NCKAP5: variants seen among roughly 807,000 people sequenced by gnomAD.
NCKAP5 encodes nck-associated protein 5.
In NCKAP5, 92 loss-of-function variants were observed where a neutral mutation model predicts 167.0. The ratio of observed to expected loss-of-function variants is 0.55; its 90% CI spans 0.47 to 0.66. NCKAP5 has a LOEUF of 0.66. Ranked by LOEUF, NCKAP5 falls within the 30% of genes least tolerant of loss-of-function variation. The pLI, the probability that NCKAP5 is intolerant of heterozygous loss-of-function variation, is 0.00. For missense variants in NCKAP5, 2,378 were observed against 2,315.0 expected (o/e 1.03, Z -0.56); for synonymous variants, 891 against 877.4 (o/e 1.02, Z -0.27).
chr2:132,693,046 G>C (rs577135614), intron 19 of NCKAP5, among the ~76,000 whole-genome samples: 45 of 152,340 alleles, frequency 3.0e-4, no homozygotes, highest in African/African-American at 1.1e-3. Context: ...ACAAATTACA[G>C]CTGGAACAGC....
In NCKAP5 at chr2:132,790,101, C is replaced by G. The variant is rs766644473; in HGVS notation, c.1014G>C (p.Leu338=). 1 of 1,613,480 alleles carries G rather than the reference C, an allele frequency of 6.2e-7. No individual in the cohort carries two copies. The highest frequency in any genetic ancestry group is 2.2e-5 in the East Asian group (1 of 44,860). Residue 338 remains leucine (L), a synonymous_variant, in exon 13 of 20, where the codon CTG becomes CTC. Transcript: ENST00000409261. ...PRNSYSSSSE[L]SLSSTCSEYS... ...ACTCGCTGCAGGTGCTTGAAAGAGA[C>G]AGTTCACTGCTGCTACTGTAGCTGT...
chr2:132,787,284 A>G (rs10187405), intron 13 of NCKAP5, among the ~76,000 whole-genome samples: 92,346 of 150,504 alleles, frequency 0.61, 29,873 homozygotes, highest in East Asian at 0.88. Flanking sequence ...GGAGGCGGAC[A>G]TTGCAGTGAG....
the NCKAP5 span, among the ~76,000 whole-genome samples, chr2:133,670,635 T>TA: frequency 2.1e-4 from 32 of 152,222 alleles, no homozygotes; most frequent in Non-Finnish European, 4.6e-4. Context: ...CTCATGGGGA[T>TA]AACCTTCCAG....
chr2:132,762,523 A>G (rs1681092344), intron 16 of NCKAP5, among the ~76,000 whole-genome samples: 1 of 152,146 alleles, frequency 6.6e-6, no homozygotes, highest in African/African-American at 2.4e-5. Flanking sequence ...GGCCTTGGAA[A>G]TGGGTGGGGA....
chr2:133,329,941 G>A (rs1682716703), intron 3 of NCKAP5, among the ~76,000 whole-genome samples: 1 of 150,216 alleles, frequency 6.7e-6, no homozygotes. Context: ...ATATACCCCT[G>A]AACAACCTTT....
At chr2:133,095,010 C>T (rs2081301592) in intron 6 of NCKAP5, among the ~76,000 whole-genome samples, 1 of 152,120 alleles carries the variant, frequency 6.6e-6, no homozygotes, top group Non-Finnish European at 1.5e-5. Flanking sequence ...GCAGATTCTT[C>T]TCAGAACCTC....
intron 3 of NCKAP5, among the ~76,000 whole-genome samples, chr2:133,506,555 C>T (rs749696676): frequency 1.3e-5 from 2 of 152,112 alleles, no homozygotes; most frequent in Non-Finnish European, 2.9e-5. Context: ...GTTCACGTCC[C>T]GATCCCCTTG....
chr2:133,386,494 T>C (rs1432965001), intron 3 of NCKAP5, among the ~76,000 whole-genome samples: 1 of 152,140 alleles, frequency 6.6e-6, no homozygotes, highest in African/African-American at 2.4e-5. Context: ...GGAATAGGTG[T>C]GGTGTGGTGC....
chr2:133,431,667 A>C (rs146352486), intron 3 of NCKAP5: 125 of 152,280 alleles, frequency 8.2e-4, no homozygotes, highest in African/African-American at 2.9e-3. Context: ...TGGCAGAACA[A>C]GGTTTTTGTT....
At chr2:132,931,687 C>T (rs1369370685) in intron 8 of NCKAP5, among the ~76,000 whole-genome samples, 1 of 152,110 alleles carries the variant, frequency 6.6e-6, no homozygotes, top group African/African-American at 2.4e-5. Flanking sequence ...GTAATAAAAC[C>T]TACAACTGTA....
chr2:133,656,272 C>CA, the NCKAP5 span, among the ~76,000 whole-genome samples: 88 of 140,490 alleles, frequency 6.3e-4, no homozygotes, highest in Middle Eastern at 0.011. Context: ...AACAAACAAA[C>CA]AAAAAAAAAA....
At chr2:133,248,768 G>C (rs961176610) in intron 4 of NCKAP5, among the ~76,000 whole-genome samples, 1 of 152,190 alleles carries the variant, frequency 6.6e-6, no homozygotes, top group Non-Finnish European at 1.5e-5. Flanking sequence ...CCAGCCCAGA[G>C]CACATGTCTA....
chr2:132,691,983 A>T (rs965062416), intron 19 of NCKAP5, among the ~76,000 whole-genome samples: 1 of 152,014 alleles, frequency 6.6e-6, no homozygotes, highest in Non-Finnish European at 1.5e-5. Flanking sequence ...GCTGCTTTTC[A>T]TGTTTCTTTC....
intron 17 of NCKAP5, 50 bp downstream of exon 17, chr2:132,731,687 T>C (rs1691020143): frequency 2.0e-6 from 3 of 1,488,228 alleles, no homozygotes; most frequent in Middle Eastern, 1.8e-4. Flanking sequence ...AAAGTTTCCC[T>C]TTTTTTTGTC....
At chr2:133,040,768 G>A (rs910799629) in intron 6 of NCKAP5, among the ~76,000 whole-genome samples, 7 of 152,166 alleles carry the variant, frequency 4.6e-5, no homozygotes, top group Non-Finnish European at 5.9e-5. Flanking sequence ...ACAGCAATAA[G>A]AATGAGTTAC....
intron 3 of NCKAP5, among the ~76,000 whole-genome samples, chr2:133,478,770 A>C: frequency 7.6e-6 from 1 of 130,940 alleles, no homozygotes; most frequent in Non-Finnish European, 1.8e-5. Flanking sequence ...AGAGTCTTAA[A>C]CCCAAATATG....
chr2:133,415,799 A>G (rs964881449), intron 3 of NCKAP5, among the ~76,000 whole-genome samples: 5 of 152,250 alleles, frequency 3.3e-5, no homozygotes, highest in Admixed American at 6.5e-5. Context: ...GAGGCTTTTG[A>G]AAACAACTAT....
chr2:132,798,690 C>T (rs964910631), intron 11 of NCKAP5, among the ~76,000 whole-genome samples: 1 of 152,124 alleles, frequency 6.6e-6, no homozygotes, highest in Admixed American at 6.6e-5. Flanking sequence ...GGGTCCCTTC[C>T]CTTCATTGAA....
chr2:133,318,540 C>G (rs527716309), intron 3 of NCKAP5, among the ~76,000 whole-genome samples: 1 of 152,254 alleles, frequency 6.6e-6, no homozygotes, highest in Admixed American at 6.5e-5. Flanking sequence ...AATTAGAAAG[C>G]CATTTTGTTC....
Sources: allele counts gnomAD v4.1 joint callset (sites outside exome capture counted in the v4.1 genomes callset), GRCh38; gene constraint gnomAD v4.1.1; transcripts MANE v1.5; gene names NCBI Gene and HGNC (gene_info 2026-07-23, HGNC 2026-07-21).